The following FBXL17 variants were observed in gnomAD, a reference collection of about 807,000 sequenced individuals.
FBXL17 encodes F-box and leucine rich repeat protein 17.
In FBXL17, 22 loss-of-function variants were observed where a neutral mutation model predicts 66.2. That is an observed-to-expected ratio of 0.33 (90% CI 0.24 to 0.47). The LOEUF (loss-of-function observed/expected upper bound fraction) is 0.47, where lower values mean the gene tolerates loss of function less well. Among genes scored for constraint, FBXL17 ranks in the 20% least tolerant of loss-of-function variants. The pLI, the probability that FBXL17 is intolerant of heterozygous loss-of-function variation, is 1.00. For synonymous variants in FBXL17, 474 were observed against 400.5 expected (o/e 1.18, Z -2.19); for missense variants, 878 against 948.2 (o/e 0.93, Z 0.97).
At chr5:108,257,368 T>C (rs1255196784) in intron 4 of FBXL17, among the ~76,000 whole-genome samples, 2 of 152,072 alleles carry the variant, frequency 1.3e-5, no homozygotes, top group African/African-American at 4.8e-5. Context: ...GATAAAATAT[T>C]CCATAAGCAT....
intron 3 of FBXL17, among the ~76,000 whole-genome samples, chr5:108,352,252 T>C (rs779347698): frequency 1.3e-5 from 2 of 152,360 alleles, no homozygotes; most frequent in East Asian, 1.9e-4. Context: ...CTATCTGCAC[T>C]ACTCACCATT....
rs1271165818 is a variant in FBXL17, at chr5:107,860,554, A to C, written c.*1166T>G. 1 of 152,658 alleles carries C rather than the reference A, an allele frequency of 6.6e-6. No homozygotes were observed. The highest frequency in any genetic ancestry group is 1.9e-4 in the East Asian group (1 of 5,202). The allele number at this position is 152,658 out of a possible 1,614,324, so 9.5% of individuals were successfully genotyped here. A position where few individuals can be genotyped will look rare whatever the true frequency, so the allele number is the denominator to read the frequency against. ...AGAAATGCTTATTTCTGACAAGTGT[A>C]AACAGAATTTCAATGAACAGATTTT... On this transcript the variant is annotated 3_prime_UTR_variant, in exon 9 of 9. Transcript: ENST00000542267.
chr5:108,122,473 A>G (rs1750541225), intron 6 of FBXL17, among the ~76,000 whole-genome samples: 1 of 152,250 alleles, frequency 6.6e-6, no homozygotes, highest in Non-Finnish European at 1.5e-5. Context: ...ACAATCTTTT[A>G]ATAAATCCAT....
chr5:108,154,380 G>C (rs1458725228), intron 6 of FBXL17, among the ~76,000 whole-genome samples: 7 of 150,268 alleles, frequency 4.7e-5, no homozygotes, highest in African/African-American at 1.7e-4. Flanking sequence ...GATCACCTGA[G>C]GTCAGGAGTT....
At chr5:108,289,033 G>A (rs1040167469) in intron 4 of FBXL17, among the ~76,000 whole-genome samples, 2 of 151,984 alleles carry the variant, frequency 1.3e-5, no homozygotes, top group Non-Finnish European at 2.9e-5. Context: ...ACAAAAAGAG[G>A]GAAGTGTGGA....
At chr5:107,887,718 C>A (rs959381289) in intron 7 of FBXL17, among the ~76,000 whole-genome samples, 2 of 152,166 alleles carry the variant, frequency 1.3e-5, no homozygotes, top group African/African-American at 4.8e-5. Flanking sequence ...GCAGGGACTA[C>A]AGGGATGGTT....
At chr5:108,254,927 T>C (rs1242795624) in intron 4 of FBXL17, among the ~76,000 whole-genome samples, 4 of 152,212 alleles carry the variant, frequency 2.6e-5, no homozygotes, top group Non-Finnish European at 5.9e-5. Flanking sequence ...TATGACACTA[T>C]GCAATCTGCA....
chr5:108,023,108 C>G (rs1387780213), intron 6 of FBXL17, among the ~76,000 whole-genome samples: 1 of 152,110 alleles, frequency 6.6e-6, no homozygotes, highest in Non-Finnish European at 1.5e-5. Context: ...AAAGAATCAC[C>G]TAGCATTTCT....
chr5:108,282,894 A>G (rs1469113549), intron 4 of FBXL17, among the ~76,000 whole-genome samples: 3 of 151,268 alleles, frequency 2.0e-5, no homozygotes, highest in Admixed American at 1.3e-4. Context: ...CAAGTTGGCA[A>G]TCCCTTTTAT....
At chr5:108,253,861 T>C (rs1756463092) in intron 4 of FBXL17, among the ~76,000 whole-genome samples, 1 of 151,964 alleles carries the variant, frequency 6.6e-6, no homozygotes, top group African/African-American at 2.4e-5. Context: ...GGCATGGTGG[T>C]GGGTGCCTGC....
intron 7 of FBXL17, among the ~76,000 whole-genome samples, chr5:107,938,350 G>A (rs1257007518): frequency 1.3e-5 from 2 of 151,970 alleles, no homozygotes; most frequent in African/African-American, 4.8e-5. Flanking sequence ...ATCAAAAAAC[G>A]GGGTAGCTCA....
chr5:108,154,359 C>T (rs1230413485), intron 6 of FBXL17, among the ~76,000 whole-genome samples: 11 of 149,394 alleles, frequency 7.4e-5, no homozygotes, highest in African/African-American at 2.0e-4. Context: ...TTTGAGAGGC[C>T]GAGGCAGGCG....
At chr5:107,964,223 A>G (rs1006129167) in intron 7 of FBXL17, among the ~76,000 whole-genome samples, 1 of 152,122 alleles carries the variant, frequency 6.6e-6, no homozygotes, top group Non-Finnish European at 1.5e-5. Flanking sequence ...TTGCCCAAAG[A>G]GATCACTTTG....
chr5:108,170,927 T>C (rs1752585801), intron 6 of FBXL17, among the ~76,000 whole-genome samples: 1 of 152,220 alleles, frequency 6.6e-6, no homozygotes, highest in South Asian at 2.1e-4. Flanking sequence ...AAGGGTCTTC[T>C]TTCCCCTCTC....
At chr5:107,991,713 C>T (rs1160883330) in intron 7 of FBXL17, among the ~76,000 whole-genome samples, 1 of 152,176 alleles carries the variant, frequency 6.6e-6, no homozygotes, top group Non-Finnish European at 1.5e-5. Flanking sequence ...CCTTTCAGAT[C>T]TAAGTTTCCC....
intron 4 of FBXL17, among the ~76,000 whole-genome samples, chr5:108,231,138 C>T (rs1561478109): frequency 6.6e-6 from 1 of 152,064 alleles, no homozygotes; most frequent in East Asian, 1.9e-4. Context: ...AATCCAAGCA[C>T]TACGCATAAT....
intron 7 of FBXL17, among the ~76,000 whole-genome samples, chr5:107,991,321 G>A (rs972288292): frequency 2.0e-5 from 3 of 152,156 alleles, no homozygotes; most frequent in Admixed American, 6.5e-5. Flanking sequence ...CAAGAGAGCT[G>A]CTTTAGTTCC....
intron 4 of FBXL17, among the ~76,000 whole-genome samples, chr5:108,260,181 C>T (rs1291668110): frequency 6.6e-6 from 1 of 151,978 alleles, no homozygotes; most frequent in African/African-American, 2.4e-5. Flanking sequence ...GGGCATTGGA[C>T]AGGAGAGGAC....
At chr5:107,960,209 T>C (rs535096484) in intron 7 of FBXL17, among the ~76,000 whole-genome samples, 37 of 152,184 alleles carry the variant, frequency 2.4e-4, no homozygotes, top group Non-Finnish European at 3.2e-4. Context: ...AGTCCCTCAA[T>C]AGTTACTCAT....
Sources: allele counts gnomAD v4.1 joint callset (sites outside exome capture counted in the v4.1 genomes callset), GRCh38; gene constraint gnomAD v4.1.1; transcripts MANE v1.5; gene names NCBI Gene and HGNC (gene_info 2026-07-23, HGNC 2026-07-21).